RNF17: variants seen among roughly 807,000 people sequenced by gnomAD.
RNF17 encodes the protein ring finger protein 17.
In RNF17, 31 loss-of-function variants were observed where a neutral mutation model predicts 200.5. The observed-to-expected ratio is 0.15, with a 90% CI of 0.12 to 0.21. The LOEUF is 0.21. RNF17 is among the 10% of genes least tolerant of loss of function. RNF17 has a pLI of 1.00. For synonymous variants in RNF17, 606 were observed against 637.8 expected (o/e 0.95, Z 0.75); for missense variants, 1,628 against 1,905.1 (o/e 0.85, Z 2.71).
At chr13:24,838,271 C>G (rs1024671429) in intron 18 of RNF17, among the ~76,000 whole-genome samples, 2 of 152,100 alleles carry the variant, frequency 1.3e-5, no homozygotes, top group African/African-American at 4.8e-5. Context: ...AGAATTGGTA[C>G]TAATCCTTTT....
intron 2 of RNF17, among the ~76,000 whole-genome samples, chr13:24,770,791 T>C (rs1242191435): frequency 3.3e-5 from 5 of 152,180 alleles, no homozygotes; most frequent in African/African-American, 1.2e-4. Flanking sequence ...CTCATGAAAA[T>C]AAGCACTATA....
Position 24,864,911 on chromosome 13 carries a change from C to T in RNF17, c.4014C>T (p.His1338=), listed in dbSNP as rs763094867. 3.2e-6 allele frequency: 5 copies of T among 1,560,324 alleles called. No homozygotes were observed. Among genetic ancestry groups the T allele is most frequent in the Non-Finnish European group, 4.4e-6 (5 of 1,142,430 alleles). ...ATCCATGGGAGAAATTGTCTATTCA[C>T]CTCTATTTTGATGGAATGTCACTTT... The part of the protein sequence containing the change: ...PKNPWEKLSI[H]LYFDGMSLSY... The change falls in exon 29 of 36, where the codon CAC becomes CAT. Residue 1338 remains histidine, a synonymous_variant. Transcript: ENST00000255324.
intron 29 of RNF17, among the ~76,000 whole-genome samples, 166 bp downstream of exon 29, chr13:24,865,164 A>G (rs1204584543): frequency 1.3e-5 from 2 of 152,218 alleles, no homozygotes; most frequent in East Asian, 1.9e-4. Context: ...AGGCTGTGTC[A>G]TGCATTATAA....
intron 25 of RNF17, among the ~76,000 whole-genome samples, chr13:24,857,184 GT>G (rs1204980448): frequency 6.6e-6 from 1 of 152,066 alleles, no homozygotes; most frequent in Non-Finnish European, 1.5e-5. Context: ...AAGTAGTTGG[GT>G]TTTTAGCATC....
At chr13:24,864,851 A>G in intron 28 of RNF17, 22 bp from the exon 29 acceptor site, 1 of 1,478,654 alleles carries the variant, frequency 6.8e-7, no homozygotes, top group East Asian at 2.3e-5. Flanking sequence ...TTTTATGATT[A>G]TCTTTATTGA....
chr13:24,811,233 G>A (rs1428049904), intron 15 of RNF17, among the ~76,000 whole-genome samples: 12 of 151,588 alleles, frequency 7.9e-5, no homozygotes, highest in African/African-American at 2.9e-4. Flanking sequence ...ATCCTGCAGA[G>A]TGTTTTCCAA....
At chr13:24,880,462 T>TA (rs1953784314), downstream of RNF17, among the ~76,000 whole-genome samples, 1 of 152,230 alleles carries the variant, frequency 6.6e-6, no homozygotes. Flanking sequence ...TTATCATTCA[T>TA]ATAAATGTCT....
chr13:24,881,626 A>T (rs1953820391), downstream of RNF17, among the ~76,000 whole-genome samples: 2 of 151,198 alleles, frequency 1.3e-5, no homozygotes, highest in Non-Finnish European at 3.0e-5. Flanking sequence ...GCTATCTATA[A>T]TCTAGAGATA....
intron 15 of RNF17, among the ~76,000 whole-genome samples, chr13:24,815,280 A>G (rs1272151457): frequency 6.6e-6 from 1 of 152,112 alleles, no homozygotes; most frequent in Non-Finnish European, 1.5e-5. Context: ...TTTATTCTTA[A>G]TTCTTTTAGA....
At position 24,858,197 on chromosome 13, in the gene RNF17, A is replaced by AT. The variant is rs144444847; in HGVS notation, c.3611-798dup. ...TCTCATTTGTTGATCTCCTAAATATATTTTTTAATTTGAAAGACAATAAAA... is the reference window on the plus strand; with the variant it reads ...TCTCATTTGTTGATCTCCTAAATATATTTTTTTAATTTGAAAGACAATAAAA... On this transcript the variant is annotated intron_variant, in intron 25 of 35. Transcript: ENST00000255324. Among the ~76,000 whole-genome samples the AT allele has an allele frequency of 5.3e-3, 806 of 152,222 alleles. 22 individuals carry two copies. In the East Asian group the frequency reaches 0.08, roughly 15 times the overall value.
chr13:24,848,658 G>C (rs1195226629), intron 22 of RNF17, among the ~76,000 whole-genome samples: 1 of 151,966 alleles, frequency 6.6e-6, no homozygotes, highest in East Asian at 1.9e-4. Context: ...GTGAGACTCT[G>C]TCTCAAAAAA....
intron 33 of RNF17, among the ~76,000 whole-genome samples, chr13:24,876,701 G>T (rs1894892758): frequency 6.6e-6 from 1 of 152,146 alleles, no homozygotes; most frequent in African/African-American, 2.4e-5. Flanking sequence ...TCATGTGCTT[G>T]TTGGTCATTT....
At chr13:24,765,663 C>T (rs1202173520) in intron 1 of RNF17, among the ~76,000 whole-genome samples, 3 of 152,180 alleles carry the variant, frequency 2.0e-5, no homozygotes, top group South Asian at 2.1e-4. Flanking sequence ...ATGAGTACTT[C>T]TTCCATACAT....
chr13:24,847,731 T>A lies in RNF17; in HGVS notation c.3102-2610T>A, dbSNP rs559652244. Among the ~76,000 whole-genome samples the A allele has an allele frequency of 4.6e-5, 7 of 152,304 alleles. No homozygotes were observed. In the South Asian group the frequency reaches 1.5e-3, roughly 32 times the overall value. On this transcript the variant is annotated intron_variant, in intron 22 of 35. Transcript: ENST00000255324. Reference sequence around the variant, plus strand: ...TCCTTGTTCTGATAGGATACCTTCTTCTTAATGACCCATTTCTCTAATCTT... The same window carrying A: ...TCCTTGTTCTGATAGGATACCTTCTACTTAATGACCCATTTCTCTAATCTT...
chr13:24,763,340 C>T (rs1298297891), upstream of RNF17, among the ~76,000 whole-genome samples: 13 of 149,468 alleles, frequency 8.7e-5, no homozygotes, highest in African/African-American at 3.2e-4. Flanking sequence ...GTAGCTGGAA[C>T]TACAGGCGCC....
chr13:24,859,606 A>AAT (rs970040859), intron 26 of RNF17, among the ~76,000 whole-genome samples: 87 of 150,912 alleles, frequency 5.8e-4, no homozygotes, highest in East Asian at 3.5e-3. Flanking sequence ...CATCCTTTGA[A>AAT]ATATATATAT....
intron 26 of RNF17, among the ~76,000 whole-genome samples, chr13:24,861,045 T>G (rs1893042556): frequency 6.6e-6 from 1 of 151,938 alleles, no homozygotes; most frequent in African/African-American, 2.4e-5. Context: ...AGACAGCTAA[T>G]TTTTTTTATT....
downstream of RNF17, chr13:24,882,372 T>C (rs1357296286): frequency 1.3e-5 from 2 of 152,028 alleles, no homozygotes; most frequent in Admixed American, 1.3e-4. Flanking sequence ...ATGTGACAGG[T>C]AAGGTCTATC....
At chr13:24,774,962 T>G (rs1881358133) in intron 3 of RNF17, 58 bp downstream of exon 3, 3 of 1,112,230 alleles carry the variant, frequency 2.7e-6, no homozygotes, top group Non-Finnish European at 4.0e-6. Flanking sequence ...TGAAATAGTT[T>G]TAGAATTATT....
Sources: gnomAD v4.1 joint callset for allele counts (sites outside exome capture counted in the v4.1 genomes callset) on GRCh38, gnomAD v4.1.1 for gene constraint, MANE v1.5 for transcripts, NCBI Gene and HGNC (gene_info 2026-07-23, HGNC 2026-07-21) for gene names.